The following ADAMTSL1 variants were observed in gnomAD, a reference collection of about 807,000 sequenced individuals.
The protein encoded by ADAMTSL1 is ADAMTS like 1, also known as ADAMTS-like protein 1.
Under a neutral mutation model 201.8 loss-of-function variants are expected in ADAMTSL1, and 126 were observed. That is an observed-to-expected ratio of 0.62 (90% confidence interval 0.54 to 0.72). The LOEUF is 0.72. Among genes scored for constraint, ADAMTSL1 ranks in the 30% least tolerant of loss-of-function variants. The probability of loss-of-function intolerance (pLI) is 0.00; values close to 1 mark genes in which losing one functional copy is unlikely to be tolerated. For synonymous variants in ADAMTSL1, 1,121 were observed against 903.4 expected, an observed-to-expected ratio of 1.24 and a Z score of -4.32; for missense variants, 2,679 against 2,277.8, an observed-to-expected ratio of 1.18 and a Z score of -3.59.
At chr9:18,649,679 A>G (rs1828076594) in intron 7 of ADAMTSL1, among the ~76,000 whole-genome samples, 1 of 152,204 alleles carries the variant, frequency 6.6e-6, no homozygotes, top group Non-Finnish European at 1.5e-5. Flanking sequence ...CCTGGGTATC[A>G]GCAGCGGTGT....
chr9:18,448,206 C>T (rs1199373711), intron 2 of ADAMTSL1, among the ~76,000 whole-genome samples: 1 of 152,150 alleles, frequency 6.6e-6, no homozygotes, highest in African/African-American at 2.4e-5. Context: ...TGTTGAGCTG[C>T]TCAGGAAGAA....
chr9:18,761,746 A>G (rs964855866), intron 16 of ADAMTSL1, among the ~76,000 whole-genome samples: 5 of 152,182 alleles, frequency 3.3e-5, no homozygotes, highest in African/African-American at 1.2e-4. Context: ...CTCCTTTCAA[A>G]TTTCATCTTC....
chr9:18,552,501 T>C (rs986612309), intron 3 of ADAMTSL1, among the ~76,000 whole-genome samples: 2 of 151,862 alleles, frequency 1.3e-5, no homozygotes, highest in Non-Finnish European at 2.9e-5. Flanking sequence ...ATCCACACTT[T>C]CTTGTAGAGA....
At chr9:18,288,344 T>C (rs1008766727) in intron 2 of ADAMTSL1, among the ~76,000 whole-genome samples, 1 of 152,228 alleles carries the variant, frequency 6.6e-6, no homozygotes, top group Non-Finnish European at 1.5e-5. Context: ...AGAAGGTTTA[T>C]GTTACTACAT....
chr9:17,961,967 T>C (rs751260659), intron 1 of ADAMTSL1, among the ~76,000 whole-genome samples: 31 of 152,180 alleles, frequency 2.0e-4, no homozygotes, highest in African/African-American at 5.1e-4. Flanking sequence ...TTCACTCTTA[T>C]ACAGAGCTTT....
chr9:18,568,928 G>A (rs949952805), intron 3 of ADAMTSL1, among the ~76,000 whole-genome samples: 5 of 152,040 alleles, frequency 3.3e-5, no homozygotes, highest in Non-Finnish European at 5.9e-5. Context: ...AAAAACAGAG[G>A]TATGTCTCTC....
chr9:18,074,531 TTTC>T lies in ADAMTSL1; in HGVS notation c.88-89326_88-89324del, dbSNP rs1563984035. ...CTTTTCTTCTTTTCTTTTCTTTTCTTTTCTTCTCTCTTCTTTTCTCTTCTCTTT... is the reference window on the plus strand; with the variant it reads ...CTTTTCTTCTTTTCTTTTCTTTTCTTTTCTCTCTTCTTTTCTCTTCTCTTT... On this transcript the variant is annotated intron_variant, in intron 1 of 29. Coordinates refer to the ADAMTSL1 transcript ENST00000680146. Among the ~76,000 whole-genome samples, 3 of 146,750 alleles carry T rather than the reference TTTC, an allele frequency of 2.0e-5. No homozygotes were observed. The East Asian group carries it at 5.9e-4, about 29-fold the overall frequency.
intron 1 of ADAMTSL1, among the ~76,000 whole-genome samples, chr9:17,933,501 T>C (rs183734915): frequency 4.0e-4 from 61 of 152,290 alleles, no homozygotes; most frequent in African/African-American, 1.3e-3. Context: ...TGGTCAGTCA[T>C]TGGATCTTCA....
intron 15 of ADAMTSL1, among the ~76,000 whole-genome samples, chr9:18,743,923 C>A (rs1818987698): frequency 6.6e-6 from 1 of 152,122 alleles, no homozygotes; most frequent in Non-Finnish European, 1.5e-5. Flanking sequence ...TTGTCTATTT[C>A]CCTCTCTCTG....
intron 2 of ADAMTSL1, among the ~76,000 whole-genome samples, chr9:18,349,855 C>T (rs1563904510): frequency 6.6e-6 from 1 of 150,968 alleles, no homozygotes; most frequent in East Asian, 2.0e-4. Flanking sequence ...GAGCATTTAG[C>T]TTTTGGAAGC....
intron 23 of ADAMTSL1, among the ~76,000 whole-genome samples, chr9:18,873,162 TA>T (rs1827962654): frequency 6.6e-6 from 1 of 152,004 alleles, no homozygotes; most frequent in Non-Finnish European, 1.5e-5. Context: ...CACTTATGGA[TA>T]GGATTATTTG....
intron 20 of ADAMTSL1, among the ~76,000 whole-genome samples, chr9:18,805,281 A>C (rs1356946401): frequency 6.6e-6 from 1 of 152,244 alleles, no homozygotes; most frequent in East Asian, 1.9e-4. Context: ...TTCTAATTAC[A>C]CTGGAATTCT....
intron 15 of ADAMTSL1, among the ~76,000 whole-genome samples, chr9:18,749,859 T>G (rs1819363970): frequency 6.6e-6 from 1 of 152,236 alleles, no homozygotes; most frequent in South Asian, 2.1e-4. Context: ...CAGGCAGATA[T>G]GTCTGTTTTG....
chr9:18,056,076 C>G (rs1289084482), intron 1 of ADAMTSL1, among the ~76,000 whole-genome samples: 1 of 151,786 alleles, frequency 6.6e-6, no homozygotes, highest in East Asian at 1.9e-4. Context: ...CTTTTGCTCC[C>G]TTTATTCTAT....
At position 18,572,059 on chromosome 9, in the gene ADAMTSL1, G is replaced by A. The variant is rs77036968; in HGVS notation, c.238-1971G>A. Among the ~76,000 whole-genome samples, 845 of 152,138 alleles carry A rather than the reference G, an allele frequency of 5.6e-3. 11 individuals are homozygous for A. Among genetic ancestry groups the A allele is most frequent in the African/African-American group, 0.02 (811 of 41,510 alleles). ...AATATAAAAAAATGAGCTGGGTGTG[G>A]GGGCACATGCCTGTAATCCCAACTG... On this transcript the variant is annotated intron_variant, in intron 3 of 28. Coordinates refer to ENST00000380548, the MANE Select transcript of ADAMTSL1 (RefSeq NM_001040272.6).
intron 23 of ADAMTSL1, among the ~76,000 whole-genome samples, chr9:18,883,720 C>T (rs1828684966): frequency 6.6e-6 from 1 of 152,152 alleles, no homozygotes; most frequent in African/African-American, 2.4e-5. Flanking sequence ...GTTTTCAAGG[C>T]TCATCCATGT....
rs75975022 is a variant in ADAMTSL1 at position 18,460,471 on chromosome 9, G to A, written c.208-44358G>A. ...AAAGTAGATCCAGGTTTTATGGCTG[G>A]AGAGAGTCCAGGGCACTCAAAAGTG... is the stretch of plus-strand genomic sequence containing the variant. On this transcript the variant is annotated intron_variant, in intron 2 of 29. Transcript: ENST00000680146. Among the ~76,000 whole-genome samples the A allele has an allele frequency of 5.5e-3, 835 of 152,216 alleles. 2 individuals are homozygous for A. Among genetic ancestry groups the A allele is most frequent in the Non-Finnish European group, 7.6e-3 (516 of 68,012 alleles).
chr9:18,491,952 A>G (rs1822290546), intron 1 of ADAMTSL1, among the ~76,000 whole-genome samples: 1 of 152,214 alleles, frequency 6.6e-6, no homozygotes, highest in African/African-American at 2.4e-5. Context: ...AAGATTTTAA[A>G]GAAAAAATTG....
At chr9:18,485,287 A>G (rs940862276) in intron 1 of ADAMTSL1, among the ~76,000 whole-genome samples, 1 of 152,222 alleles carries the variant, frequency 6.6e-6, no homozygotes, top group South Asian at 2.1e-4. Context: ...TCCCAGGTAC[A>G]TGATTTCAGA....
Sources: allele counts gnomAD v4.1 joint callset (sites outside exome capture counted in the v4.1 genomes callset), GRCh38; gene constraint gnomAD v4.1.1; transcripts MANE v1.5; gene names NCBI Gene and HGNC (gene_info 2026-07-23, HGNC 2026-07-21).